IFT43: variants seen among roughly 807,000 people sequenced by gnomAD.
The protein encoded by IFT43 is intraflagellar transport protein 43 homolog.
Under a neutral mutation model 32.3 loss-of-function variants are expected in IFT43, and 33 were observed. That is an observed-to-expected ratio of 1.02 (90% CI 0.77 to 1.37). The LOEUF (loss-of-function observed/expected upper bound fraction) is 1.37. Ranked by LOEUF, IFT43 falls within the 40% of genes most tolerant of loss-of-function variation. IFT43 has a pLI of 0.00. For synonymous variants in IFT43, 93 were observed against 98.2 expected (o/e 0.95, Z 0.31); for missense variants, 274 against 265.9 (o/e 1.03, Z -0.21).
At chr14:76,036,860 C>T (rs1332807342) in intron 3 of IFT43, among the ~76,000 whole-genome samples, 4 of 151,684 alleles carry the variant, frequency 2.6e-5, no homozygotes, top group Admixed American at 2.0e-4. Flanking sequence ...CAGGATCTTG[C>T]TCTGTTGCTC....
chr14:76,022,674 A>G (rs2036316343), intron 3 of IFT43: 2 of 263,632 alleles, frequency 7.6e-6, no homozygotes, highest in Admixed American at 1.0e-4. Flanking sequence ...ACCTCTCTAG[A>G]TCTAGGTGGT....
intron 5 of IFT43, among the ~76,000 whole-genome samples, chr14:76,061,680 A>G (rs2037137679): frequency 6.6e-6 from 1 of 152,136 alleles, no homozygotes; most frequent in African/African-American, 2.4e-5. Flanking sequence ...TATATCTTCC[A>G]TTAATCTTCT....
chr14:76,028,783 T>A (rs1438437029), intron 3 of IFT43, among the ~76,000 whole-genome samples: 1 of 152,180 alleles, frequency 6.6e-6, no homozygotes, highest in African/African-American at 2.4e-5. Flanking sequence ...TGCAAAGGAT[T>A]TGATTTCATT....
chr14:76,062,859 G>GTGA (rs938593159), intron 5 of IFT43, among the ~76,000 whole-genome samples: 1 of 139,306 alleles, frequency 7.2e-6, no homozygotes, highest in Non-Finnish European at 1.5e-5. Flanking sequence ...AGAGGTTGCA[G>GTGA]TGAGGCGGAG....
At position 76,059,311 on chromosome 14, in the gene IFT43, TC is replaced by T; in HGVS notation, c.249-15del. On this transcript the variant is annotated splice_polypyrimidine_tract_variant and intron_variant, in intron 4 of 8. Transcript: ENST00000314067. ...AACTCATTTTTTGCTGTCCTTTTCT[TC>T]TTTTTTGGGGGCAGTTTCCGCCTCA... 1 of 1,614,058 alleles carries T rather than the reference TC, an allele frequency of 6.2e-7. No homozygotes were observed. The highest frequency in any genetic ancestry group is 8.5e-7 in the Non-Finnish European group (1 of 1,179,900).
chr14:76,081,306 T>C (rs1457737123), intron 5 of IFT43, among the ~76,000 whole-genome samples: 4 of 152,272 alleles, frequency 2.6e-5, no homozygotes, highest in Non-Finnish European at 4.4e-5. Flanking sequence ...AGTCTACCTT[T>C]GGGATTTCTC....
chr14:76,009,480 C>G (rs2036039563), intron 2 of IFT43, among the ~76,000 whole-genome samples: 1 of 152,176 alleles, frequency 6.6e-6, no homozygotes, highest in African/African-American at 2.4e-5. Context: ...CAGTCAAGTC[C>G]TTATGCTTAC....
intron 3 of IFT43, among the ~76,000 whole-genome samples, chr14:76,034,280 C>A (rs1048438656): frequency 1.3e-5 from 2 of 152,120 alleles, no homozygotes; most frequent in African/African-American, 2.4e-5. Flanking sequence ...TTCCTAGTTA[C>A]GTCCTTAAGT....
chr14:76,004,513 A>ATTTGCTAAGGT (rs2035947108), intron 2 of IFT43, among the ~76,000 whole-genome samples: 1 of 151,358 alleles, frequency 6.6e-6, no homozygotes, highest in Non-Finnish European at 1.5e-5. Flanking sequence ...ATTTTCTTTG[A>ATTTGCTAAGGT]TTTTTTTCTG....
chr14:75,999,271 A>ATT (rs2035832498), intron 2 of IFT43, among the ~76,000 whole-genome samples: 1 of 25,810 alleles, frequency 3.9e-5, no homozygotes, highest in Admixed American at 5.3e-4. Context: ...ATATATATAT[A>ATT]TGTATATATA....
intron 3 of IFT43, among the ~76,000 whole-genome samples, chr14:76,046,465 G>C (rs1324101953): frequency 1.3e-5 from 2 of 152,068 alleles, no homozygotes; most frequent in Non-Finnish European, 2.9e-5. Context: ...GAAGCAAAAA[G>C]TATGTAGCCA....
intron 3 of IFT43, 186 bp downstream of exon 3, chr14:76,022,580 C>T (rs969900557): frequency 4.4e-6 from 2 of 454,628 alleles, no homozygotes; most frequent in African/African-American, 4.1e-5. Context: ...CAACCATTAA[C>T]ACAATCAATT....
intron 2 of IFT43, among the ~76,000 whole-genome samples, chr14:76,004,420 C>A (rs532654029): frequency 6.6e-6 from 1 of 151,084 alleles, no homozygotes; most frequent in South Asian, 2.1e-4. Flanking sequence ...GTATGTAAGT[C>A]TTTTCTCCTC....
chr14:76,065,468 G>T (rs902853388), intron 5 of IFT43, among the ~76,000 whole-genome samples: 1 of 152,188 alleles, frequency 6.6e-6, no homozygotes, highest in Admixed American at 6.5e-5. Context: ...CCATCACCCA[G>T]AAGTTCCTCC....
At chr14:76,045,955 G>A (rs4903374) in intron 3 of IFT43, among the ~76,000 whole-genome samples, 127,274 of 152,124 alleles carry the variant, frequency 0.84, 53,376 homozygotes, top group Non-Finnish European at 0.86. Context: ...GTCTGACCCT[G>A]TTGAGCTGAG....
At chr14:76,040,951 T>A (rs2036695174) in intron 3 of IFT43, among the ~76,000 whole-genome samples, 1 of 152,246 alleles carries the variant, frequency 6.6e-6, no homozygotes, top group Non-Finnish European at 1.5e-5. Flanking sequence ...GTCCAATTGC[T>A]GTACCTCTAA....
intron 5 of IFT43, among the ~76,000 whole-genome samples, chr14:76,065,052 G>A (rs1395360768): frequency 1.3e-5 from 2 of 152,190 alleles, no homozygotes; most frequent in African/African-American, 4.8e-5. Context: ...CACCATCGGG[G>A]CATCATCACT....
intron 2 of IFT43, among the ~76,000 whole-genome samples, chr14:75,995,605 G>T (rs969913150): frequency 2.0e-5 from 3 of 152,114 alleles, no homozygotes; most frequent in African/African-American, 7.2e-5. Context: ...TACGTCTCTC[G>T]CCCTCCGCCT....
At chr14:75,989,506 A>G (rs557613969) in intron 2 of IFT43, among the ~76,000 whole-genome samples, 37 of 152,232 alleles carry the variant, frequency 2.4e-4, no homozygotes, top group Middle Eastern at 3.4e-3. Flanking sequence ...TTTTACTGCC[A>G]GGGCACTACT....
Sources: allele counts gnomAD v4.1 joint callset (sites outside exome capture counted in the v4.1 genomes callset), GRCh38; gene constraint gnomAD v4.1.1; transcripts MANE v1.5; gene names NCBI Gene and HGNC (gene_info 2026-07-23, HGNC 2026-07-21).